Variants in STK32B observed in about 807,000 individuals in gnomAD.
The protein encoded by STK32B is serine/threonine kinase 32B.
STK32B carries 43 observed loss-of-function variants against 52.6 expected under a neutral mutation model. The observed-to-expected ratio is 0.82, with a 90% CI of 0.64 to 1.05. STK32B has a LOEUF of 1.05. STK32B is among the 50% of genes least tolerant of loss of function. The pLI is 0.00. For synonymous variants in STK32B, 238 were observed against 204.3 expected, an observed-to-expected ratio of 1.17 and a Z score of -1.41; for missense variants, 621 against 534.6, an observed-to-expected ratio of 1.16 and a Z score of -1.59.
At chr4:5,218,442 A>G (rs976297321) in intron 3 of STK32B, among the ~76,000 whole-genome samples, 17 of 152,236 alleles carry the variant, frequency 1.1e-4, no homozygotes, top group Admixed American at 7.9e-4. Context: ...TATTTCAGAT[A>G]TATTTAGAGC....
At chr4:5,159,721 G>A (rs28573967) in intron 2 of STK32B, among the ~76,000 whole-genome samples, 20,070 of 71,932 alleles carry the variant, frequency 0.28, 4,901 homozygotes, top group East Asian at 0.32. Context: ...ATATATGAAT[G>A]TATATGAATA....
At chr4:5,424,156 C>G (rs576091288) in intron 6 of STK32B, among the ~76,000 whole-genome samples, 1 of 152,272 alleles carries the variant, frequency 6.6e-6, no homozygotes, top group South Asian at 2.1e-4. Context: ...CATGCCAGCC[C>G]CCTGCTACCT....
intron 2 of STK32B, among the ~76,000 whole-genome samples, chr4:5,145,717 T>C (rs559922368): frequency 6.6e-6 from 1 of 152,350 alleles, no homozygotes. Flanking sequence ...GTTTGTCTTA[T>C]TTAATTGTGG....
intron 4 of STK32B, among the ~76,000 whole-genome samples, chr4:5,332,207 G>T (rs1732303369): frequency 1.3e-5 from 2 of 152,180 alleles, no homozygotes; most frequent in Admixed American, 1.3e-4. Flanking sequence ...TGACAGTAAG[G>T]AATGTTTGAA....
chr4:5,316,005 G>C (rs1323622332), intron 3 of STK32B, among the ~76,000 whole-genome samples: 1 of 149,056 alleles, frequency 6.7e-6, no homozygotes, highest in African/African-American at 2.5e-5. Flanking sequence ...GGGACTGGCC[G>C]AGTATTTTAT....
At chr4:5,266,373 A>G (rs1041980604) in intron 3 of STK32B, among the ~76,000 whole-genome samples, 4 of 152,224 alleles carry the variant, frequency 2.6e-5, no homozygotes, top group African/African-American at 7.2e-5. Flanking sequence ...GAGCTGCACA[A>G]ATGTCTCCAG....
chr4:5,446,608 C>A, intron 6 of STK32B, 65 bp from the exon 7 acceptor site: 4 of 1,374,770 alleles, frequency 2.9e-6, no homozygotes, highest in Non-Finnish European at 4.1e-6. Flanking sequence ...CTTGTCCCCT[C>A]TCTAAGGGGT....
intron 1 of STK32B, among the ~76,000 whole-genome samples, chr4:5,052,932 T>C (rs919418762): frequency 2.0e-5 from 3 of 152,170 alleles, no homozygotes; most frequent in African/African-American, 7.2e-5. Flanking sequence ...GTGGCTACCT[T>C]AGAAAGGGGT....
chr4:5,159,493 AAT>A lies in STK32B; in HGVS notation c.109-8797_109-8796del, dbSNP rs369551371. ...ACACACATATATATGAATACATATG[AAT>A]ATATATATGAATATATATATGAATA... On this transcript the variant is annotated intron_variant, in intron 2 of 11. Coordinates refer to ENST00000282908, the MANE Select transcript of STK32B (RefSeq NM_018401.3). 3.0e-4 allele frequency among the ~76,000 whole-genome samples: 41 copies of A among 138,436 alleles called. 1 individual carries two copies. In the East Asian group the frequency reaches 5.3e-3, roughly 18 times the overall value. The allele number at this position is 138,436 out of a possible 152,430, so 90.8% of individuals were successfully genotyped here.
intron 5 of STK32B, among the ~76,000 whole-genome samples, chr4:5,408,573 G>C (rs1376075949): frequency 1.3e-5 from 2 of 152,096 alleles, no homozygotes; most frequent in Admixed American, 6.5e-5. Flanking sequence ...AGCAATGCGA[G>C]AACAAACTAA....
intron 1 of STK32B, among the ~76,000 whole-genome samples, chr4:5,124,832 G>T (rs1715264825): frequency 6.6e-6 from 1 of 152,170 alleles, no homozygotes; most frequent in Non-Finnish European, 1.5e-5. Context: ...ACTGGGTCCT[G>T]TAGGAGGCAG....
chr4:5,338,865 TTGAC>T (rs1732886039), intron 4 of STK32B, among the ~76,000 whole-genome samples: 1 of 152,308 alleles, frequency 6.6e-6, no homozygotes, highest in East Asian at 1.9e-4. Flanking sequence ...CTGTGTCAAT[TTGAC>T]TGGGCTAAAG....
intron 7 of STK32B, among the ~76,000 whole-genome samples, chr4:5,455,534 T>G (rs1171303723): frequency 6.6e-6 from 1 of 152,182 alleles, no homozygotes; most frequent in African/African-American, 2.4e-5. Flanking sequence ...GCTGGGCTTC[T>G]TGGAACTTTT....
At chr4:5,229,388 C>T (rs556541411) in intron 3 of STK32B, among the ~76,000 whole-genome samples, 4 of 152,212 alleles carry the variant, frequency 2.6e-5, no homozygotes, top group African/African-American at 9.6e-5. Context: ...TGCATTGGTA[C>T]CTCTTAAATC....
At chr4:5,247,717 C>A (rs185898946) in intron 3 of STK32B, among the ~76,000 whole-genome samples, 1 of 152,276 alleles carries the variant, frequency 6.6e-6, no homozygotes, top group Admixed American at 6.5e-5. Flanking sequence ...CTTGGCTCCA[C>A]CCCTTTGATT....
intron 9 of STK32B, among the ~76,000 whole-genome samples, chr4:5,463,187 C>T (rs1320085240): frequency 1.3e-5 from 2 of 152,234 alleles, no homozygotes; most frequent in Non-Finnish European, 2.9e-5. Context: ...GCCTTCTTCA[C>T]AGGCTCTGAT....
chr4:5,398,283 G>A lies in STK32B; in HGVS notation c.472+39G>A, dbSNP rs1260604534. 6.2e-7 allele frequency: 1 copy of A among 1,612,598 alleles called. No individual in the cohort carries two copies. Among genetic ancestry groups the A allele is most frequent in the Non-Finnish European group, 8.5e-7 (1 of 1,179,084 alleles). On this transcript the variant is annotated intron_variant, in intron 5 of 11. Coordinates refer to ENST00000282908, the MANE Select transcript of STK32B (RefSeq NM_018401.3). This position sits in a 1 kb window ranked among gnomAD's most constrained non-coding sequence, Gnocchi z 4.9. Reference sequence around the variant, plus strand: ...TAATCCTTTACAGGGACTCTCAGTGGAAAGTTTGAGGCACTGGGAAATAGT... The same window carrying A: ...TAATCCTTTACAGGGACTCTCAGTGAAAAGTTTGAGGCACTGGGAAATAGT...
intron 7 of STK32B, among the ~76,000 whole-genome samples, chr4:5,447,720 C>T (rs533804490): frequency 6.6e-6 from 1 of 152,320 alleles, no homozygotes; most frequent in Admixed American, 6.5e-5. Flanking sequence ...GTCACTTCAC[C>T]ATGTCTCAGG....
At chr4:5,450,801 C>A (rs1183692924) in intron 7 of STK32B, among the ~76,000 whole-genome samples, 3 of 152,194 alleles carry the variant, frequency 2.0e-5, no homozygotes, top group Non-Finnish European at 2.9e-5. Flanking sequence ...CCCCCTATTA[C>A]TTCTACCCTG....
Sources: gnomAD v4.1 joint callset for allele counts (sites outside exome capture counted in the v4.1 genomes callset) on GRCh38, gnomAD v4.1.1 for gene constraint, Gnocchi (gnomAD v3.1) non-coding constraint, MANE v1.5 for transcripts, NCBI Gene and HGNC (gene_info 2026-07-23, HGNC 2026-07-21) for gene names.